The following SLC5A11 variants were observed in gnomAD, a reference collection of about 807,000 sequenced individuals.
The protein encoded by SLC5A11 is sodium/myo-inositol cotransporter 2.
A neutral mutation model predicts 69.8 loss-of-function variants in SLC5A11; 48 were observed. The ratio of observed to expected loss-of-function variants is 0.69; its 90% confidence interval spans 0.55 to 0.87. The LOEUF (loss-of-function observed/expected upper bound fraction) is 0.87. SLC5A11 is among the 40% of genes least tolerant of loss of function. The pLI, the probability that SLC5A11 is intolerant of heterozygous loss-of-function variation, is 0.00. For synonymous variants in SLC5A11, 319 were observed against 342.4 expected, an observed-to-expected ratio of 0.93 and a Z score of 0.75; for missense variants, 784 against 866.1, an observed-to-expected ratio of 0.91 and a Z score of 1.19.
exon 15 of SLC5A11, chr16:24,910,445 T>C (rs1369057847): frequency 1.9e-6 from 3 of 1,613,994 alleles, no homozygotes; most frequent in Non-Finnish European, 2.5e-6. Flanking sequence ...CAGTTCGAGA[T>C]GGTTCAAGAA....
At chr16:24,882,030 A>T (rs1422518621) in intron 7 of SLC5A11, among the ~76,000 whole-genome samples, 2 of 152,230 alleles carry the variant, frequency 1.3e-5, no homozygotes, top group Non-Finnish European at 2.9e-5. Flanking sequence ...GAACTAGCAG[A>T]AGCAATGTGC....
chr16:24,898,339 G>A (rs1176271850), intron 10 of SLC5A11, among the ~76,000 whole-genome samples: 1 of 152,146 alleles, frequency 6.6e-6, no homozygotes, highest in African/African-American at 2.4e-5. Flanking sequence ...AGCCTCCTGA[G>A]TAGCTGGGGC....
chr16:24,874,995 T>C (rs1006033206), intron 5 of SLC5A11, among the ~76,000 whole-genome samples: 1 of 152,144 alleles, frequency 6.6e-6, no homozygotes, highest in Middle Eastern at 3.4e-3. Flanking sequence ...AGGTTATATG[T>C]CTTTAAAAAA....
chr16:24,858,181 A>G (rs534266514), intron 1 of SLC5A11, among the ~76,000 whole-genome samples: 1 of 152,340 alleles, frequency 6.6e-6, no homozygotes, highest in Admixed American at 6.5e-5. Context: ...TTCATGGTAT[A>G]TGTAGCATTG....
At chr16:24,900,724 G>A (rs2049517149) in intron 10 of SLC5A11, among the ~76,000 whole-genome samples, 1 of 152,056 alleles carries the variant, frequency 6.6e-6, no homozygotes, top group Non-Finnish European at 1.5e-5. Flanking sequence ...ACCATCGTGG[G>A]TAACGATACC....
At chr16:24,908,962 T>C in exon 14 of SLC5A11, 3 of 1,614,150 alleles carry the variant, frequency 1.9e-6, no homozygotes, top group South Asian at 1.1e-5. Context: ...GCAGCCTCGA[T>C]GCGACCAGCC....
At chr16:24,859,599 C>T (rs187022393) in intron 2 of SLC5A11, among the ~76,000 whole-genome samples, 3 of 149,196 alleles carry the variant, frequency 2.0e-5, no homozygotes, top group African/African-American at 7.2e-5. Context: ...TGTCTTTATG[C>T]AAATCCAAGC....
At chr16:24,907,096 G>GCCAGCA in exon 12 of SLC5A11, 1 of 1,614,100 alleles carries the variant, frequency 6.2e-7, no homozygotes, top group Non-Finnish European at 8.5e-7. Flanking sequence ...CTTTAACAGT[G>GCCAGCA]CCAGCACCAT....
chr16:24,908,838 G>C (rs2050273337), intron 13 of SLC5A11, 43 bp from the exon 15 acceptor site: 1 of 1,593,022 alleles, frequency 6.3e-7, no homozygotes, highest in African/African-American at 1.3e-5. Flanking sequence ...CTGGAGGCCA[G>C]AGCCCTTGGC....
intron 1 of SLC5A11, among the ~76,000 whole-genome samples, chr16:24,849,350 C>T (rs1309329375): frequency 6.6e-6 from 1 of 151,494 alleles, no homozygotes; most frequent in Non-Finnish European, 1.5e-5. Context: ...GGTGGATCAC[C>T]CGAGGTCAGG....
At chr16:24,888,615 C>A (rs750286267) in intron 8 of SLC5A11, among the ~76,000 whole-genome samples, 2 of 149,882 alleles carry the variant, frequency 1.3e-5, no homozygotes, top group Non-Finnish European at 3.0e-5. Flanking sequence ...TCCCAAGTAG[C>A]TGGGACTACA....
chr16:24,865,548 C>T (rs1028561224), intron 3 of SLC5A11, among the ~76,000 whole-genome samples: 1 of 152,044 alleles, frequency 6.6e-6, no homozygotes, highest in East Asian at 1.9e-4. Context: ...CAGAGTGAGA[C>T]TCCATCTCAA....
Position 24,888,786 on chromosome 16 carries a change from T to A in SLC5A11, c.665-2083T>A, listed in dbSNP as rs796761858. ...GGTGTGAGCCACCGTGCCTGTCCTT[T>A]TTTTTTTTTTTTTTTTTTTTTTTTT... On this transcript the variant is annotated intron_variant, in intron 8 of 15. Coordinates refer to ENST00000347898, the Ensembl canonical transcript of SLC5A11. Among the ~76,000 whole-genome samples the A allele has an allele frequency of 3.4e-3, 344 of 101,862 alleles. 1 individual carries two copies. The highest frequency in any genetic ancestry group is 0.014 in the African/African-American group (329 of 22,794). The allele number at this position is 101,862 out of a possible 152,430, so 66.8% of individuals were successfully genotyped here. A position where few individuals can be genotyped will look rare whatever the true frequency, so the allele number is the denominator to read the frequency against.
intron 2 of SLC5A11, 78 bp from the exon 4 acceptor site, chr16:24,862,523 C>A: frequency 8.1e-7 from 1 of 1,228,648 alleles, no homozygotes; most frequent in East Asian, 2.4e-5. Context: ...TTTGCAATCC[C>A]TGCCTGGCCT....
intron 1 of SLC5A11, among the ~76,000 whole-genome samples, chr16:24,850,130 A>G (rs1478997045): frequency 6.7e-6 from 1 of 148,208 alleles, no homozygotes; most frequent in Non-Finnish European, 1.5e-5. Flanking sequence ...TGTAGAGGAG[A>G]AAAAAAAAAG....
intron 1 of SLC5A11, among the ~76,000 whole-genome samples, chr16:24,851,440 C>T (rs1596937636): frequency 2.0e-5 from 3 of 152,038 alleles, no homozygotes; most frequent in South Asian, 2.1e-4. Flanking sequence ...GCAGGCGAAT[C>T]GCTTGGGGGC....
At chr16:24,906,200 G>A (rs1320849564) in intron 10 of SLC5A11, among the ~76,000 whole-genome samples, 1 of 152,028 alleles carries the variant, frequency 6.6e-6, no homozygotes, top group Non-Finnish European at 1.5e-5. Flanking sequence ...AATTAGCCGG[G>A]CATGGTGGTG....
In SLC5A11 at chr16:24,848,163, A is replaced by G. The variant is rs151078557; in HGVS notation, c.-25+1725A>G. Among the ~76,000 whole-genome samples the G allele has an allele frequency of 1.5e-4, 23 of 152,300 alleles. No homozygotes were observed. The East Asian group carries it at 3.3e-3, about 22-fold the overall frequency. ...AATGGCAAAGACCCTGAGGCCAGAA[A>G]TCGTGTTCCAGGAATAAAATGAATG... On this transcript the variant is annotated intron_variant, in intron 1 of 15. Transcript: ENST00000347898.
At chr16:24,883,961 G>C (rs776097698) in intron 7 of SLC5A11, 90 bp from the exon 9 acceptor site, 3 of 1,180,928 alleles carry the variant, frequency 2.5e-6, no homozygotes, top group South Asian at 2.7e-5. Flanking sequence ...ATCTCCCATC[G>C]GGTCCTGGCC....
Sources: allele counts gnomAD v4.1 joint callset (sites outside exome capture counted in the v4.1 genomes callset), GRCh38; gene constraint gnomAD v4.1.1; transcripts MANE v1.5; gene names NCBI Gene and HGNC (gene_info 2026-07-23, HGNC 2026-07-21).